Variants in ZNF652 observed in about 807,000 individuals in gnomAD.
ZNF652 encodes the protein zinc finger protein 652.
ZNF652 carries 16 observed loss-of-function variants against 45.2 expected under a neutral mutation model. That is an observed-to-expected ratio of 0.35 (90% CI 0.24 to 0.54). ZNF652 has a LOEUF of 0.54. Ranked by LOEUF, ZNF652 falls within the 20% of genes least tolerant of loss-of-function variation. The probability of loss-of-function intolerance (pLI) is 0.91; values close to 1 mark genes in which losing one functional copy is unlikely to be tolerated. For synonymous variants in ZNF652, 250 were observed against 260.6 expected, an observed-to-expected ratio of 0.96 and a Z score of 0.39; for missense variants, 614 against 765.6, an observed-to-expected ratio of 0.80 and a Z score of 2.34.
chr17:49,321,902 T>C (rs554985913), intron 1 of ZNF652, among the ~76,000 whole-genome samples: 1 of 152,314 alleles, frequency 6.6e-6, no homozygotes, highest in African/African-American at 2.4e-5. Flanking sequence ...GTTAGTTATA[T>C]TTAACAAATT....
chr17:49,311,536 C>T lies in ZNF652; in HGVS notation c.1165-80G>A, dbSNP rs140829587. The T allele has an allele frequency of 2.4e-3, 3,373 of 1,415,040 alleles. 6 individuals are homozygous for T. The highest frequency in any genetic ancestry group is 6.0e-3 in the Middle Eastern group (25 of 4,178). 87.7% of individuals were successfully genotyped at this position (1,415,040 alleles called of 1,614,324 possible). ...GCCCACCCTAACACAGTCTCTGATA[C>T]TAGGCTTATTTTTCATATTCAAAAT... On this transcript the variant is annotated intron_variant, in intron 4 of 5. Coordinates refer to ENST00000430262, the MANE Select transcript of ZNF652 (RefSeq NM_001145365.3).
At chr17:49,336,947 T>G (rs959904221) in intron 1 of ZNF652, among the ~76,000 whole-genome samples, 3 of 86,248 alleles carry the variant, frequency 3.5e-5, no homozygotes, top group East Asian at 2.5e-4. Context: ...ATGGTGTTTT[T>G]TTTTTTTTTT....
intron 1 of ZNF652, among the ~76,000 whole-genome samples, chr17:49,323,452 C>T (rs905556409): frequency 6.6e-5 from 10 of 152,236 alleles, no homozygotes; most frequent in Non-Finnish European, 1.3e-4. Context: ...GGAATCAACT[C>T]CTCTAAACTC....
chr17:49,338,048 C>T (rs1045406515), intron 1 of ZNF652, among the ~76,000 whole-genome samples: 1 of 151,954 alleles, frequency 6.6e-6, no homozygotes, highest in African/African-American at 2.4e-5. Flanking sequence ...AGTGCAGTGG[C>T]GCGATCATGA....
Position 49,348,071 on chromosome 17 carries a change from G to C in ZNF652, c.-259+13838C>G, listed in dbSNP as rs760448752. ...AAACCTTAATCTTATCAAGCCTATA[G>C]ATCTAAACACCAATCTACAGGAAAT... On this transcript the variant is annotated intron_variant, in intron 1 of 5. Transcript: ENST00000430262. Among the ~76,000 whole-genome samples, 26 of 151,886 alleles carry C rather than the reference G, an allele frequency of 1.7e-4. 1 individual carries two copies. The highest frequency in any genetic ancestry group is 5.9e-5 in the Non-Finnish European group (4 of 68,006).
intron 1 of ZNF652, among the ~76,000 whole-genome samples, chr17:49,347,747 T>G (rs1451817802): frequency 4.2e-5 from 6 of 141,964 alleles, no homozygotes; most frequent in South Asian, 2.4e-4. Context: ...TTTGTTTTTT[T>G]TTTTTTTTTT....
chr17:49,339,872 A>G (rs1206686811), intron 1 of ZNF652, among the ~76,000 whole-genome samples: 1 of 152,196 alleles, frequency 6.6e-6, no homozygotes, highest in African/African-American at 2.4e-5. Context: ...TATCTGGGAC[A>G]ACAGGCACAT....
At chr17:49,341,518 G>T (rs964717056) in intron 1 of ZNF652, among the ~76,000 whole-genome samples, 13 of 131,736 alleles carry the variant, frequency 9.9e-5, no homozygotes, top group African/African-American at 3.7e-4. Flanking sequence ...AAAAAAATTA[G>T]CCGGGTGTGG....
chr17:49,311,910 G>C lies in ZNF652; in HGVS notation c.1164+17C>G, dbSNP rs1365043929. On this transcript the variant is annotated intron_variant, in intron 4 of 5. Coordinates refer to ENST00000430262, the MANE Select transcript of ZNF652 (RefSeq NM_001145365.3). Reference sequence around the variant, plus strand: ...ACTAGCCCCTAGGCCTGGGCCTGTAGGTAGCACATTCCTTACCTCGCATCT... The same window carrying C: ...ACTAGCCCCTAGGCCTGGGCCTGTACGTAGCACATTCCTTACCTCGCATCT... The C allele has an allele frequency of 6.2e-7, 1 of 1,601,938 alleles. No individual in the cohort carries two copies. Among genetic ancestry groups the C allele is most frequent in the African/African-American group, 1.3e-5 (1 of 74,850 alleles).
intron 1 of ZNF652, among the ~76,000 whole-genome samples, chr17:49,351,028 C>CTATATGT (rs1567700362): frequency 1.0e-5 from 1 of 100,208 alleles, no homozygotes. Context: ...CACACACACA[C>CTATATGT]ACACACACAC....
intron 1 of ZNF652, among the ~76,000 whole-genome samples, chr17:49,341,702 A>T (rs1215623909): frequency 2.6e-5 from 4 of 152,070 alleles, no homozygotes; most frequent in Admixed American, 1.3e-4. Flanking sequence ...AAAAGTAGTA[A>T]TAGAAAATAG....
In ZNF652 at chr17:49,294,645, T is replaced by C. The variant is rs897855703; in HGVS notation, c.*3768A>G. The stretch of plus-strand genomic sequence containing the variant: ...AAATCTATGAGAGAAAATAGAAAAA[T>C]AAAAACGAAACAAATACAAACCAAC... On this transcript the variant is annotated 3_prime_UTR_variant, in exon 6 of 6. Coordinates refer to ENST00000430262, the MANE Select transcript of ZNF652 (RefSeq NM_001145365.3). 1.3e-5 allele frequency: 2 copies of C among 151,892 alleles called. No individual in the cohort carries two copies. The highest frequency in any genetic ancestry group is 2.9e-5 in the Non-Finnish European group (2 of 67,956). The allele number at this position is 151,892 out of a possible 1,614,324, so 9.4% of individuals were successfully genotyped here. A position where few individuals can be genotyped will look rare whatever the true frequency, so the allele number is the denominator to read the frequency against.
chr17:49,296,375 C>T lies in ZNF652; in HGVS notation c.*2038G>A, dbSNP rs889034740. Reference sequence around the variant, plus strand: ...ACTAAACCAAAAAGCCAATAGAGAACGTGATGTTTGAAAAATATGGACTTA... The same window carrying T: ...ACTAAACCAAAAAGCCAATAGAGAATGTGATGTTTGAAAAATATGGACTTA... On this transcript the variant is annotated 3_prime_UTR_variant, in exon 6 of 6. Coordinates refer to ENST00000430262, the MANE Select transcript of ZNF652 (RefSeq NM_001145365.3). 5.2e-5 allele frequency: 8 copies of T among 152,396 alleles called. No homozygotes were observed. Among genetic ancestry groups the T allele is most frequent in the Admixed American group, 2.6e-4 (4 of 15,262 alleles). The allele number at this position is 152,396 out of a possible 1,614,324, so 9.4% of individuals were successfully genotyped here. A position where few individuals can be genotyped will look rare whatever the true frequency, so the allele number is the denominator to read the frequency against.
chr17:49,351,649 A>AT (rs375084693), intron 1 of ZNF652, among the ~76,000 whole-genome samples: 1 of 151,448 alleles, frequency 6.6e-6, no homozygotes, highest in African/African-American at 2.4e-5. Context: ...AAAAGGCCAT[A>AT]TTTTTTTTTC....
chr17:49,298,954 A>C (rs1375218914), intron 5 of ZNF652, 30 bp from the exon 6 acceptor site: 1 of 1,578,112 alleles, frequency 6.3e-7, no homozygotes, highest in Admixed American at 1.8e-5. Flanking sequence ...AAAAATGATT[A>C]ACATATTAGG....
At chr17:49,357,381 T>A (rs985523942) in intron 1 of ZNF652, among the ~76,000 whole-genome samples, 23 of 151,876 alleles carry the variant, frequency 1.5e-4, no homozygotes, top group African/African-American at 5.6e-4. Context: ...ACATATATAA[T>A]CTACAGGCCT....
intron 1 of ZNF652, among the ~76,000 whole-genome samples, chr17:49,357,554 A>G (rs1427939308): frequency 6.6e-6 from 1 of 152,244 alleles, no homozygotes; most frequent in Non-Finnish European, 1.5e-5. Flanking sequence ...AATGTTCATA[A>G]GTATTTTTAA....
intron 5 of ZNF652, among the ~76,000 whole-genome samples, chr17:49,304,878 G>GTGTATA (rs946241503): frequency 0.018 from 2,726 of 149,206 alleles, 86 homozygotes; most frequent in African/African-American, 0.061. Flanking sequence ...ATATATATGT[G>GTGTATA]TATATATATA....
At chr17:49,350,134 A>C (rs1469453138) in intron 1 of ZNF652, among the ~76,000 whole-genome samples, 1 of 152,198 alleles carries the variant, frequency 6.6e-6, no homozygotes, top group Admixed American at 6.6e-5. Flanking sequence ...AGTTTTGAGA[A>C]ACACACTATG....
Sources: gnomAD v4.1 joint callset for allele counts (sites outside exome capture counted in the v4.1 genomes callset) on GRCh38, gnomAD v4.1.1 for gene constraint, MANE v1.5 for transcripts, NCBI Gene and HGNC (gene_info 2026-07-23, HGNC 2026-07-21) for gene names.